Variants in ZSCAN1 observed in about 807,000 individuals in gnomAD.
The protein encoded by ZSCAN1 is zinc finger and SCAN domain containing 1.
Under a neutral mutation model 23.8 loss-of-function variants are expected in ZSCAN1, and 23 were observed. That is an observed-to-expected ratio of 0.97 (90% confidence interval 0.70 to 1.37). ZSCAN1 has a LOEUF of 1.37. ZSCAN1 is among the 40% of genes most tolerant of loss of function. ZSCAN1 has a pLI of 0.00. For synonymous variants in ZSCAN1, 236 were observed against 232.3 expected (o/e 1.02, Z -0.15); for missense variants, 575 against 554.0 (o/e 1.04, Z -0.38).
rs966978047 is a variant in ZSCAN1 at position 58,045,152 on chromosome 19, C to T, written c.465+4608C>T. On this transcript the variant is annotated intron_variant, in intron 4 of 5. Coordinates refer to ENST00000282326, the MANE Select transcript of ZSCAN1 (RefSeq NM_182572.4). This position sits in a 1 kb window ranked among gnomAD's most constrained non-coding sequence, Gnocchi z 4.3. ...TGCTCTGGCGCATCCTCAACTGCCA[C>T]ACCCTGACCCGCCAGGCGCGCAGGC... 3.5e-6 allele frequency: 4 copies of T among 1,158,902 alleles called. No individual in the cohort carries two copies. The highest frequency in any genetic ancestry group is 3.9e-6 in the Non-Finnish European group (3 of 769,064). The allele number at this position is 1,158,902 out of a possible 1,614,324, so 71.8% of individuals were successfully genotyped here.
intron 4 of ZSCAN1, among the ~76,000 whole-genome samples, chr19:58,048,796 C>G (rs1204432786): frequency 6.6e-6 from 1 of 152,100 alleles, no homozygotes; most frequent in South Asian, 2.1e-4. Flanking sequence ...ACTCTGTCAC[C>G]CAGACTGGAG....
rs933733638 is a variant in ZSCAN1 at position 58,047,864 on chromosome 19, C to T, written c.466-4626C>T. 7.2e-5 allele frequency among the ~76,000 whole-genome samples: 11 copies of T among 152,206 alleles called. No homozygotes were observed. Among genetic ancestry groups the T allele is most frequent in the Non-Finnish European group, 8.8e-5 (6 of 68,028 alleles). ...CTGGGTGGGGTGGCCTCCCTGCACTCGGCAGCATGGTCGGGCTGGCGAGGG... is the reference window on the plus strand; with the variant it reads ...CTGGGTGGGGTGGCCTCCCTGCACTTGGCAGCATGGTCGGGCTGGCGAGGG... On this transcript the variant is annotated intron_variant, in intron 4 of 5. Transcript: ENST00000282326. The surrounding 1 kb of genome is among the most constrained non-coding windows in gnomAD (Gnocchi z 4.9).
Position 58,045,598 on chromosome 19 carries a change from CG to C in ZSCAN1, c.465+5055del. 1 of 1,036,716 alleles carries C rather than the reference CG, an allele frequency of 9.6e-7. No individual in the cohort carries two copies. The highest frequency in any genetic ancestry group is 1.5e-6 in the Non-Finnish European group (1 of 653,078). The allele number at this position is 1,036,716 out of a possible 1,614,324, so 64.2% of individuals were successfully genotyped here. A position where few individuals can be genotyped will look rare whatever the true frequency, so the allele number is the denominator to read the frequency against. On this transcript the variant is annotated intron_variant, in intron 4 of 5. Transcript: ENST00000282326. The surrounding 1 kb of genome is among the most constrained non-coding windows in gnomAD (Gnocchi z 4.3). ...AAGCTGCTGGAGCTACAGCTTCCTGCGCTTCCAGCTCACGATGCGGCTGCGC... is the reference window on the plus strand; with the variant it reads ...AAGCTGCTGGAGCTACAGCTTCCTGCCTTCCAGCTCACGATGCGGCTGCGC...
intron 4 of ZSCAN1, among the ~76,000 whole-genome samples, chr19:58,048,223 T>C (rs1389806396): frequency 6.6e-6 from 1 of 152,262 alleles, no homozygotes; most frequent in Non-Finnish European, 1.5e-5. Context: ...AAGAAGTTTG[T>C]TTTAGATCCT....
At chr19:58,056,233 T>C (rs2073888649), downstream of ZSCAN1, among the ~76,000 whole-genome samples, 1 of 152,164 alleles carries the variant, frequency 6.6e-6, no homozygotes, top group Non-Finnish European at 1.5e-5. Flanking sequence ...CCCAGCAGGG[T>C]AGCTCTATAG....
chr19:58,040,470 G>T lies in ZSCAN1; in HGVS notation c.391G>T (p.Val131Phe). The T allele has an allele frequency of 1.2e-6, 2 of 1,613,686 alleles. No individual in the cohort carries two copies. Among genetic ancestry groups the T allele is most frequent in the South Asian group, 2.2e-5 (2 of 91,082 alleles). Residue 131 changes from valine to phenylalanine, a missense_variant, in exon 4 of 6, where the codon GTC becomes TTC. Coordinates refer to ENST00000282326, the MANE Select transcript of ZSCAN1 (RefSeq NM_182572.4). This position sits in a 1 kb window ranked among gnomAD's most constrained non-coding sequence, Gnocchi z 5.8. ...CACAGTTCTGGTATCTCTGGACTCG[G>T]TCGAACCCCAGGACTGGAGTTTCGG... ...QQEVLVSLDS[V>F]EPQDWSFGEE... is the part of the protein sequence containing the mutation.
chr19:58,042,910 T>G (rs1242158692), intron 4 of ZSCAN1, among the ~76,000 whole-genome samples: 1 of 152,218 alleles, frequency 6.6e-6, no homozygotes. Context: ...GCTGTGGGGC[T>G]CAGCCACAGC....
chr19:58,052,728 TG>T, intron 5 of ZSCAN1, 100 bp downstream of exon 5: 1 of 1,463,962 alleles, frequency 6.8e-7, no homozygotes, highest in Non-Finnish European at 9.1e-7. Context: ...GGTGCTTCGG[TG>T]GTGAACTCCA....
Position 58,045,321 on chromosome 19 carries a change from AAGG to A in ZSCAN1, c.465+4780_465+4782del, listed in dbSNP as rs1425210067. 15 of 794,804 alleles carry A rather than the reference AAGG, an allele frequency of 1.9e-5. No individual in the cohort carries two copies. The highest frequency in any genetic ancestry group is 9.7e-5 in the East Asian group (4 of 41,252). 49.2% of individuals were successfully genotyped at this position (794,804 alleles called of 1,614,324 possible). A position where few individuals can be genotyped will look rare whatever the true frequency, so the allele number is the denominator to read the frequency against. On this transcript the variant is annotated intron_variant, in intron 4 of 5. Transcript: ENST00000282326. The surrounding 1 kb of genome is among the most constrained non-coding windows in gnomAD (Gnocchi z 4.3). ...ATCCACATCCGAGACTCAGTCCATCAAGGAGAAGAGGCTGAAGGAGCTTCAGGT... is the reference window on the plus strand; with the variant it reads ...ATCCACATCCGAGACTCAGTCCATCAAGAAGAGGCTGAAGGAGCTTCAGGT...
chr19:58,038,935 G>A (rs2073764187), intron 3 of ZSCAN1, among the ~76,000 whole-genome samples: 1 of 152,272 alleles, frequency 6.6e-6, no homozygotes, highest in African/African-American at 2.4e-5. Flanking sequence ...CAAGGAGGGT[G>A]CCAGGCAGCC....
intron 4 of ZSCAN1, chr19:58,046,859 CT>C: frequency 1.5e-6 from 1 of 645,186 alleles, no homozygotes; most frequent in Non-Finnish European, 2.8e-6. Context: ...AGTGGCTCAT[CT>C]AATACTTTGG....
chr19:58,040,472 C>T lies in ZSCAN1; in HGVS notation c.393C>T (p.Val131=), dbSNP rs751937817. ...CAGTTCTGGTATCTCTGGACTCGGT[C>T]GAACCCCAGGACTGGAGTTTCGGTG... ...QQEVLVSLDS[V]EPQDWSFGEE... Residue 131 remains valine, a synonymous_variant, in exon 4 of 6, where the codon GTC becomes GTT. Coordinates refer to ENST00000282326, the MANE Select transcript of ZSCAN1 (RefSeq NM_182572.4). This position sits in a 1 kb window ranked among gnomAD's most constrained non-coding sequence, Gnocchi z 5.8. The T allele has an allele frequency of 1.2e-5, 19 of 1,613,486 alleles. No homozygotes were observed. Among genetic ancestry groups the T allele is most frequent in the South Asian group, 8.8e-5 (8 of 91,064 alleles).
intron 4 of ZSCAN1, chr19:58,044,964 CT>C: frequency 9.0e-7 from 1 of 1,113,840 alleles, no homozygotes; most frequent in South Asian, 1.3e-5. Context: ...CCCTCAAGTC[CT>C]TGAAGGACAA....
Position 58,037,869 on chromosome 19 carries a change from CAG to C in ZSCAN1, c.35_36del (p.Arg12ThrfsTer9). 3 of 1,529,000 alleles carry C rather than the reference CAG, an allele frequency of 2.0e-6. No homozygotes were observed. The allele number at this position is 1,529,000 out of a possible 1,614,324, so 94.7% of individuals were successfully genotyped here. On this transcript the variant is annotated frameshift_variant, in exon 3 of 6. Coordinates refer to ENST00000282326, the MANE Select transcript of ZSCAN1 (RefSeq NM_182572.4). LOFTEE classifies it high-confidence loss of function. ...LPRPKAPASP[R>X]RPQTPTPSEQ... is the part of the protein sequence containing the mutation. ...CACGGCCCAAAGCCCCTGCCTCCCCCAGACGCCCCCAGACCCCAACCCCGAGT... is the reference window on the plus strand; with the variant it reads ...CACGGCCCAAAGCCCCTGCCTCCCCCACGCCCCCAGACCCCAACCCCGAGT...
At position 58,051,598 on chromosome 19, in the gene ZSCAN1, G is replaced by T. The variant is rs192943296; in HGVS notation, c.466-892G>T. Among the ~76,000 whole-genome samples, 12 of 152,220 alleles carry T rather than the reference G, an allele frequency of 7.9e-5. No homozygotes were observed. The East Asian group carries it at 2.3e-3, about 29-fold the overall frequency. On this transcript the variant is annotated intron_variant, in intron 4 of 5. Transcript: ENST00000282326. ...AGGTAGGGTTGGGGCAGCAGAAAGC[G>T]AAGACCCACTCAAGACAGACCTTGT...
At chr19:58,052,432 G>A (rs2073863064) in intron 4 of ZSCAN1, 58 bp from the exon 5 acceptor site, 1 of 1,611,716 alleles carries the variant, frequency 6.2e-7, no homozygotes. Flanking sequence ...TTCGGTGGTG[G>A]TGGGGAGGAT....
At chr19:58,044,562 C>T in intron 4 of ZSCAN1, 2 of 632,928 alleles carry the variant, frequency 3.2e-6, no homozygotes, top group South Asian at 2.0e-5. Flanking sequence ...GCGCAGGAGG[C>T]CCGAGCGGCC....
downstream of ZSCAN1, among the ~76,000 whole-genome samples, chr19:58,055,831 C>T (rs1599912041): frequency 6.6e-6 from 1 of 152,120 alleles, no homozygotes. Flanking sequence ...CAGGCTCCAG[C>T]CTACCTGGGC....
In ZSCAN1 at chr19:58,045,096, C is replaced by A; in HGVS notation, c.465+4552C>A. The A allele has an allele frequency of 8.1e-7, 1 of 1,236,076 alleles. No individual in the cohort carries two copies. The highest frequency in any genetic ancestry group is 1.2e-6 in the Non-Finnish European group (1 of 839,154). 76.6% of individuals were successfully genotyped at this position (1,236,076 alleles called of 1,614,324 possible). ...GCACTACTACCATGGCTTCCGCCTGCTACGGATCCACACCAAGATCGCAGC... is the reference window on the plus strand; with the variant it reads ...GCACTACTACCATGGCTTCCGCCTGATACGGATCCACACCAAGATCGCAGC... On this transcript the variant is annotated intron_variant, in intron 4 of 5. Transcript: ENST00000282326. This position sits in a 1 kb window ranked among gnomAD's most constrained non-coding sequence, Gnocchi z 4.3.
Sources: gnomAD v4.1 joint callset for allele counts (sites outside exome capture counted in the v4.1 genomes callset) on GRCh38, gnomAD v4.1.1 for gene constraint, Gnocchi (gnomAD v3.1) non-coding constraint, MANE v1.5 for transcripts, NCBI Gene and HGNC (gene_info 2026-07-23, HGNC 2026-07-21) for gene names.